SLC71A2: variants seen among roughly 807,000 people sequenced by gnomAD.
SLC71A2 encodes the protein hippocampus abundant transcript-like 1.
the SLC71A2 span, among the ~76,000 whole-genome samples, chr9:94,382,929 G>A: frequency 2.0e-5 from 3 of 152,138 alleles, no homozygotes; most frequent in African/African-American, 4.8e-5. Flanking sequence ...TCCTGACCTC[G>A]TGATCCACCT....
the SLC71A2 span, among the ~76,000 whole-genome samples, chr9:94,387,310 T>C: frequency 2.0e-5 from 3 of 152,346 alleles, no homozygotes; most frequent in East Asian, 5.8e-4. Flanking sequence ...TAATATTGTT[T>C]ATATACAGTA....
At chr9:94,426,141 A>G in the SLC71A2 span, among the ~76,000 whole-genome samples, 3 of 148,804 alleles carry the variant, frequency 2.0e-5, no homozygotes, top group Admixed American at 1.4e-4. Flanking sequence ...TTATGTGGTC[A>G]TAGGACTTTG....
the SLC71A2 span, among the ~76,000 whole-genome samples, chr9:94,431,536 T>C: frequency 5.9e-5 from 9 of 151,938 alleles, no homozygotes; most frequent in African/African-American, 2.2e-4. Context: ...TATAGCTGTA[T>C]GTCTTTTTAC....
the SLC71A2 span, among the ~76,000 whole-genome samples, chr9:94,417,961 A>T: frequency 2.8e-5 from 4 of 143,434 alleles, no homozygotes; most frequent in Non-Finnish European, 6.0e-5. Flanking sequence ...GGTTCAAGCA[A>T]TTCTCCTGCC....
chr9:94,418,593 G>A, the SLC71A2 span, among the ~76,000 whole-genome samples: 2 of 151,612 alleles, frequency 1.3e-5, no homozygotes, highest in African/African-American at 2.4e-5. Context: ...GTGCCACCAC[G>A]TCCGACTAAT....
the SLC71A2 span, among the ~76,000 whole-genome samples, chr9:94,385,252 A>G: frequency 6.6e-6 from 1 of 152,292 alleles, no homozygotes; most frequent in South Asian, 2.1e-4. Flanking sequence ...AGTCCAGTGT[A>G]TCTATTTTGA....
At chr9:94,429,519 T>C in the SLC71A2 span, among the ~76,000 whole-genome samples, 1 of 151,948 alleles carries the variant, frequency 6.6e-6, no homozygotes, top group Non-Finnish European at 1.5e-5. Context: ...GGCTTAATTA[T>C]TATGTAACTT....
chr9:94,415,727 G>C, the SLC71A2 span, among the ~76,000 whole-genome samples: 3 of 152,164 alleles, frequency 2.0e-5, no homozygotes, highest in Admixed American at 1.3e-4. Context: ...GTTCAGAGTA[G>C]GGTTTGCACC....
the SLC71A2 span, among the ~76,000 whole-genome samples, chr9:94,377,813 A>G: frequency 1.3e-5 from 2 of 152,082 alleles, no homozygotes. Context: ...CTTCTAGAAA[A>G]GGGAGGTGTG....
the SLC71A2 span, among the ~76,000 whole-genome samples, chr9:94,435,891 TC>T: frequency 6.6e-6 from 1 of 152,132 alleles, no homozygotes; most frequent in African/African-American, 2.4e-5. Flanking sequence ...CCTCAGGTGA[TC>T]CGCCCGCCTC....
At chr9:94,455,037 C>G in the SLC71A2 span, among the ~76,000 whole-genome samples, 1 of 151,024 alleles carries the variant, frequency 6.6e-6, no homozygotes, top group Non-Finnish European at 1.5e-5. Flanking sequence ...ACTTTGGACA[C>G]AAACAGACAA....
the SLC71A2 span, among the ~76,000 whole-genome samples, chr9:94,409,457 G>A: frequency 2.0e-5 from 3 of 151,698 alleles, no homozygotes; most frequent in Non-Finnish European, 4.4e-5. Flanking sequence ...TGATTTTGTC[G>A]ATTTTTCTGT....
At chr9:94,377,938 C>G in the SLC71A2 span, among the ~76,000 whole-genome samples, 2 of 151,948 alleles carry the variant, frequency 1.3e-5, no homozygotes, top group African/African-American at 2.4e-5. Context: ...AATCCTGTCT[C>G]TATAAAAATA....
the SLC71A2 span, among the ~76,000 whole-genome samples, chr9:94,426,222 G>A: frequency 6.6e-6 from 1 of 151,978 alleles, no homozygotes; most frequent in East Asian, 1.9e-4. Context: ...AATCCTGCAA[G>A]TATCCCACTT....
chr9:94,453,597 G>A, the SLC71A2 span, among the ~76,000 whole-genome samples: 5 of 152,342 alleles, frequency 3.3e-5, no homozygotes, highest in African/African-American at 1.2e-4. Flanking sequence ...ATGTTCAGCA[G>A]GAGTTTGCTA....
the SLC71A2 span, among the ~76,000 whole-genome samples, chr9:94,391,300 C>T: frequency 6.7e-6 from 1 of 148,462 alleles, no homozygotes; most frequent in Non-Finnish European, 1.5e-5. Flanking sequence ...GAGGTTGAGG[C>T]TGCAGTGAGC....
At chr9:94,398,214 C>A in the SLC71A2 span, among the ~76,000 whole-genome samples, 1 of 145,658 alleles carries the variant, frequency 6.9e-6, no homozygotes, top group Non-Finnish European at 1.5e-5. Context: ...ACATATATAA[C>A]CCTATCTTTG....
the SLC71A2 span, among the ~76,000 whole-genome samples, chr9:94,389,923 A>G: frequency 0.033 from 5,041 of 151,608 alleles, 277 homozygotes; most frequent in African/African-American, 0.11. Context: ...TTTACTCTTA[A>G]AAGTGTCTTG....
chr9:94,377,206 A>G, the SLC71A2 span, among the ~76,000 whole-genome samples: 1 of 151,728 alleles, frequency 6.6e-6, no homozygotes, highest in African/African-American at 2.4e-5. Context: ...TGCAGTTTCT[A>G]ATGTCACCTC....
Sources: gnomAD v4.1 joint callset for allele counts (sites outside exome capture counted in the v4.1 genomes callset) on GRCh38, gnomAD v4.1.1 for gene constraint, MANE v1.5 for transcripts, NCBI Gene and HGNC (gene_info 2026-07-23, HGNC 2026-07-21) for gene names.